Variants in SLCO5A1 observed in about 807,000 individuals in gnomAD.
SLCO5A1 encodes the protein organic anion transporter polypeptide-related protein 4.
In SLCO5A1, 39 loss-of-function variants were observed where a neutral mutation model predicts 65.1. The ratio of observed to expected loss-of-function variants is 0.60; its 90% CI spans 0.46 to 0.78. The LOEUF (loss-of-function observed/expected upper bound fraction) is 0.78, where lower values mean the gene tolerates loss of function less well. Ranked by LOEUF, SLCO5A1 falls within the 30% of genes least tolerant of loss-of-function variation. The pLI is 0.00. For synonymous variants in SLCO5A1, 438 were observed against 415.7 expected, an observed-to-expected ratio of 1.05 and a Z score of -0.65; for missense variants, 1,029 against 1,069.4, an observed-to-expected ratio of 0.96 and a Z score of 0.53.
chr8:69,701,764 GGGCACATGTTCTCAGGACCTCCTGA>G (rs1814746348), intron 6 of SLCO5A1, among the ~76,000 whole-genome samples: 1 of 152,136 alleles, frequency 6.6e-6, no homozygotes, highest in Non-Finnish European at 1.5e-5. Context: ...CGACCACCTT[GGGCACATGTTCTCAGGACCTCCTGA>G]GGGCTGTGTC....
In SLCO5A1 at chr8:69,832,433, G is replaced by A. The variant is rs1400482571; in HGVS notation, c.241C>T (p.Pro81Ser). Residue 81 changes from proline (P) to serine (S), a missense_variant, in exon 2 of 10, where the codon CCC becomes TCC. Coordinates refer to ENST00000260126, the MANE Select transcript of SLCO5A1 (RefSeq NM_030958.3). The surrounding 1 kb of genome is among the most constrained non-coding windows in gnomAD (Gnocchi z 4.5). ...GAAGTGGACGGGGCAGAGGGACTGG[G>A]GGCCAACGGGTTCGGGCCTTGCTTC... Reference protein sequence around the residue: ...ELKQGPNPLAPSPSAPSTSAG... With the variant: ...ELKQGPNPLASSPSAPSTSAG... The A allele has an allele frequency of 6.2e-7, 1 of 1,613,104 alleles. No individual in the cohort carries two copies. Among genetic ancestry groups the A allele is most frequent in the Admixed American group, 1.7e-5 (1 of 59,826 alleles).
At chr8:69,727,214 G>A (rs899433169) in intron 5 of SLCO5A1, among the ~76,000 whole-genome samples, 3 of 152,130 alleles carry the variant, frequency 2.0e-5, no homozygotes, top group Non-Finnish European at 4.4e-5. Flanking sequence ...TGGATGGGTG[G>A]GTGGGTGAGT....
intron 6 of SLCO5A1, among the ~76,000 whole-genome samples, chr8:69,692,965 C>T (rs1215177330): frequency 1.3e-5 from 2 of 152,182 alleles, no homozygotes; most frequent in African/African-American, 2.4e-5. Context: ...GTTCTATGTA[C>T]TCTACACAAC....
Position 69,781,639 on chromosome 8 carries a change from G to GTTATTGT in SLCO5A1, c.908-19765_908-19764insACAATAA, listed in dbSNP as rs1273114413. ...GTAGATACTATTATTATCCTTTTTT[G>GTTATTGT]TTTTTGTTTTTTGTTTTTTGTTTTT... On this transcript the variant is annotated intron_variant, in intron 2 of 9. Transcript: ENST00000260126. 1.6e-3 allele frequency among the ~76,000 whole-genome samples: 249 copies of GTTATTGT among 151,720 alleles called. 3 individuals carry two copies. The Middle Eastern group carries it at 0.017, about 10-fold the overall frequency.
chr8:69,733,616 T>C (rs1287341979), intron 5 of SLCO5A1, among the ~76,000 whole-genome samples: 6 of 152,088 alleles, frequency 3.9e-5, no homozygotes, highest in African/African-American at 1.2e-4. Flanking sequence ...AGGTGGGAGG[T>C]GATGTGATCG....
At chr8:69,749,256 G>A (rs1404366945) in intron 4 of SLCO5A1, among the ~76,000 whole-genome samples, 2 of 152,090 alleles carry the variant, frequency 1.3e-5, no homozygotes, top group Admixed American at 1.3e-4. Context: ...ATTATCTGAG[G>A]TTCAAACCCT....
intron 2 of SLCO5A1, among the ~76,000 whole-genome samples, chr8:69,803,925 G>A (rs1406661433): frequency 6.6e-6 from 1 of 152,146 alleles, no homozygotes; most frequent in Non-Finnish European, 1.5e-5. Flanking sequence ...CTGGGTGACA[G>A]AGCAAGACTC....
intron 2 of SLCO5A1, chr8:69,772,941 G>A (rs1322648364): frequency 7.1e-6 from 7 of 985,300 alleles, no homozygotes; most frequent in African/African-American, 1.7e-5. Flanking sequence ...GGTTCAGTGA[G>A]TGGGTGCAAC....
rs1018239759 is a variant in SLCO5A1 at position 69,671,865 on chromosome 8, A to G, written c.*1004T>C. 3.3e-5 allele frequency: 5 copies of G among 152,180 alleles called. No homozygotes were observed. The highest frequency in any genetic ancestry group is 1.2e-4 in the African/African-American group (5 of 41,424). 9.4% of individuals were successfully genotyped at this position (152,180 alleles called of 1,614,324 possible). On this transcript the variant is annotated 3_prime_UTR_variant, in exon 10 of 10. Coordinates refer to ENST00000260126, the MANE Select transcript of SLCO5A1 (RefSeq NM_030958.3). The stretch of plus-strand genomic sequence containing the variant: ...ATATAAGTATGCATTTTCAGGAGCA[A>G]CCACAGCAATTTTCTGTCCAGAAAA...
At chr8:69,775,485 A>G (rs909599627) in intron 2 of SLCO5A1, among the ~76,000 whole-genome samples, 3 of 152,188 alleles carry the variant, frequency 2.0e-5, no homozygotes, top group Non-Finnish European at 4.4e-5. Flanking sequence ...TCAGATTGCC[A>G]CCTGTGAGTG....
intron 4 of SLCO5A1, among the ~76,000 whole-genome samples, chr8:69,745,413 CT>C (rs1816973608): frequency 6.6e-6 from 1 of 151,962 alleles, no homozygotes; most frequent in South Asian, 2.1e-4. Context: ...CCTTTTACAT[CT>C]TTTTTTAAAA....
At chr8:69,690,814 A>G (rs1437366394) in intron 6 of SLCO5A1, among the ~76,000 whole-genome samples, 4 of 152,196 alleles carry the variant, frequency 2.6e-5, no homozygotes, top group African/African-American at 9.6e-5. Context: ...TAGCTCAAGA[A>G]TCACCCCTGG....
Position 69,671,805 on chromosome 8 carries a change from TAA to T in SLCO5A1, c.*1062_*1063del, listed in dbSNP as rs1414735955. The T allele has an allele frequency of 6.6e-6, 1 of 152,218 alleles. No homozygotes were observed. Among genetic ancestry groups the T allele is most frequent in the African/African-American group, 2.4e-5 (1 of 41,456 alleles). The allele number at this position is 152,218 out of a possible 1,614,324, so 9.4% of individuals were successfully genotyped here. A position where few individuals can be genotyped will look rare whatever the true frequency, so the allele number is the denominator to read the frequency against. On this transcript the variant is annotated 3_prime_UTR_variant, in exon 10 of 10. Coordinates refer to ENST00000260126, the MANE Select transcript of SLCO5A1 (RefSeq NM_030958.3). ...CACAGATCTCCCTCCTCCTGTATTC[TAA>T]GTGATTTTCATATCCCAGGCACAGA...
chr8:69,781,683 G>C (rs1035058605), intron 2 of SLCO5A1, among the ~76,000 whole-genome samples: 1 of 151,606 alleles, frequency 6.6e-6, no homozygotes, highest in African/African-American at 2.4e-5. Context: ...TTGAGACAGA[G>C]TTTCACTCTT....
chr8:69,715,817 C>T (rs1444721230), intron 5 of SLCO5A1, among the ~76,000 whole-genome samples: 1 of 152,090 alleles, frequency 6.6e-6, no homozygotes, highest in Non-Finnish European at 1.5e-5. Flanking sequence ...TAATTGACAG[C>T]TTCTCTGAGC....
rs1307240201 is a variant in SLCO5A1, at chr8:69,672,022, C to T, written c.*847G>A. 6.6e-6 allele frequency: 1 copy of T among 152,230 alleles called. No individual in the cohort carries two copies. Among genetic ancestry groups the T allele is most frequent in the African/African-American group, 2.4e-5 (1 of 41,458 alleles). The allele number at this position is 152,230 out of a possible 1,614,324, so 9.4% of individuals were successfully genotyped here. ...GCAACAATTTTCTTGGATGAGAAAG[C>T]TGTCATTTTCTTTCCCTATTATGCA... On this transcript the variant is annotated 3_prime_UTR_variant, in exon 10 of 10. Transcript: ENST00000260126.
At position 69,673,425 on chromosome 8, in the gene SLCO5A1, G is replaced by A. The variant is rs547893971; in HGVS notation, c.2090-99C>T. The A allele has an allele frequency of 2.3e-5, 22 of 976,524 alleles. No homozygotes were observed. In the South Asian group the frequency reaches 3.0e-4, roughly 14 times the overall value. 60.5% of individuals were successfully genotyped at this position (976,524 alleles called of 1,614,324 possible). ...AAGGTACTTGTGTGCTCTAAAACCA[G>A]TTGAGGGGAGGGATTTTCTTGTGTT... is the stretch of plus-strand genomic sequence containing the variant. On this transcript the variant is annotated intron_variant, in intron 9 of 9. Coordinates refer to ENST00000260126, the MANE Select transcript of SLCO5A1 (RefSeq NM_030958.3).
chr8:69,801,106 C>T (rs1819716771), intron 2 of SLCO5A1, among the ~76,000 whole-genome samples: 1 of 152,236 alleles, frequency 6.6e-6, no homozygotes, highest in African/African-American at 2.4e-5. Flanking sequence ...CAACTGGCAT[C>T]TTCTCTTTAA....
intron 2 of SLCO5A1, among the ~76,000 whole-genome samples, chr8:69,822,757 G>A (rs1000152808): frequency 6.6e-6 from 1 of 152,242 alleles, no homozygotes; most frequent in Non-Finnish European, 1.5e-5. Flanking sequence ...GTAATCCCCA[G>A]GTGGAAACAG....
Sources: allele counts gnomAD v4.1 joint callset (sites outside exome capture counted in the v4.1 genomes callset), GRCh38; gene constraint gnomAD v4.1.1; non-coding constraint Gnocchi (gnomAD v3.1); transcripts MANE v1.5; gene names NCBI Gene and HGNC (gene_info 2026-07-23, HGNC 2026-07-21).